The following CSMD3 variants were observed in gnomAD, a reference collection of about 807,000 sequenced individuals.
CSMD3 encodes the protein CUB and sushi domain-containing protein 3.
In CSMD3, 177 loss-of-function variants were observed where a neutral mutation model predicts 435.2. That is an observed-to-expected ratio of 0.41 (90% confidence interval 0.36 to 0.46). The LOEUF (loss-of-function observed/expected upper bound fraction) is 0.46, where lower values mean the gene tolerates loss of function less well. Ranked by LOEUF, CSMD3 falls within the 20% of genes least tolerant of loss-of-function variation. CSMD3 has a pLI of 0.34. For synonymous variants in CSMD3, 1,656 were observed against 1,520.5 expected (o/e 1.09, Z -2.07); for missense variants, 4,265 against 4,504.6 (o/e 0.95, Z 1.52).
In CSMD3 at chr8:112,405,212, C is replaced by CAAAAAAA. The variant is rs1563904189; in HGVS notation, c.5809+1311_5809+1312insTTTTTTT. 6.0e-5 allele frequency among the ~76,000 whole-genome samples: 2 copies of CAAAAAAA among 33,086 alleles called. 1 individual carries two copies. The highest frequency in any genetic ancestry group is 1.0e-4 in the Non-Finnish European group (2 of 19,792). The allele number at this position is 33,086 out of a possible 152,430, so 21.7% of individuals were successfully genotyped here. Reference sequence around the variant, plus strand: ...AAAAAAAAAAAAAAAAAAAAAAACCCCCATATATATATATATATATATATA... The same window carrying CAAAAAAA: ...AAAAAAAAAAAAAAAAAAAAAAACCCAAAAAAACCATATATATATATATATATATATA... On this transcript the variant is annotated intron_variant, in intron 35 of 70. Coordinates refer to ENST00000297405, the MANE Select transcript of CSMD3 (RefSeq NM_198123.2).
chr8:112,916,374 TATC>T, intron 10 of CSMD3, among the ~76,000 whole-genome samples: 1 of 151,970 alleles, frequency 6.6e-6, no homozygotes, highest in East Asian at 1.9e-4. Context: ...ATGTAAGTGA[TATC>T]ATTAAAACCT....
chr8:112,312,844 C>G (rs1822115671), intron 49 of CSMD3, among the ~76,000 whole-genome samples: 1 of 151,950 alleles, frequency 6.6e-6, no homozygotes, highest in African/African-American at 2.4e-5. Context: ...AACTGAAATT[C>G]AAAATGTATC....
chr8:113,366,227 G>A (rs1036810384), intron 1 of CSMD3, among the ~76,000 whole-genome samples: 1 of 151,856 alleles, frequency 6.6e-6, no homozygotes, highest in Non-Finnish European at 1.5e-5. Flanking sequence ...GAATCTCTTT[G>A]TGCAGATTTC....
At chr8:113,171,694 G>C (rs1395821600) in intron 4 of CSMD3, among the ~76,000 whole-genome samples, 1 of 152,146 alleles carries the variant, frequency 6.6e-6, no homozygotes, top group African/African-American at 2.4e-5. Context: ...TTTGGAACCT[G>C]AGAGAATATT....
intron 13 of CSMD3, among the ~76,000 whole-genome samples, chr8:112,717,053 G>A (rs994630018): frequency 3.9e-5 from 6 of 152,084 alleles, no homozygotes; most frequent in Admixed American, 3.9e-4. Context: ...TGCAACAGAA[G>A]CTAAAATTGA....
intron 32 of CSMD3, among the ~76,000 whole-genome samples, chr8:112,440,416 G>T (rs1178699667): frequency 6.6e-6 from 1 of 152,102 alleles, no homozygotes; most frequent in Non-Finnish European, 1.5e-5. Context: ...ACTTGGTGTT[G>T]AGTGTCCATG....
chr8:113,112,961 GGGCC>G (rs1198649702), intron 4 of CSMD3, among the ~76,000 whole-genome samples: 2 of 152,094 alleles, frequency 1.3e-5, no homozygotes, highest in Non-Finnish European at 2.9e-5. Flanking sequence ...CATAACATGG[GGGCC>G]TTCCCTTAAA....
intron 16 of CSMD3, among the ~76,000 whole-genome samples, chr8:112,676,950 G>A (rs2075782600): frequency 6.6e-6 from 1 of 152,088 alleles, no homozygotes; most frequent in South Asian, 2.1e-4. Context: ...GAGAGTAGCT[G>A]AGAATATATG....
At chr8:112,996,597 A>C (rs2085661677) in intron 6 of CSMD3, among the ~76,000 whole-genome samples, 1 of 151,608 alleles carries the variant, frequency 6.6e-6, no homozygotes, top group Non-Finnish European at 1.5e-5. Flanking sequence ...AGTTTCTTTG[A>C]TATGGCTATC....
At chr8:112,332,763 T>A (rs1198629965) in intron 45 of CSMD3, among the ~76,000 whole-genome samples, 1 of 152,162 alleles carries the variant, frequency 6.6e-6, no homozygotes, top group Non-Finnish European at 1.5e-5. Flanking sequence ...AATGTCCTAT[T>A]TGAAAAATCT....
At chr8:113,152,945 T>G (rs543176528) in intron 4 of CSMD3, among the ~76,000 whole-genome samples, 2 of 146,674 alleles carry the variant, frequency 1.4e-5, no homozygotes, top group South Asian at 4.3e-4. Flanking sequence ...CACTCCAGCC[T>G]GGACGACAGA....
rs189529503 is a variant in CSMD3, at chr8:112,534,219, A to G, written c.4564+16452T>C. Reference sequence around the variant, plus strand: ...AGAGACACAAAAAAGTCTTCAAAAAATTAATGAATCCAGGAGCTGGTTTTT... The same window carrying G: ...AGAGACACAAAAAAGTCTTCAAAAAGTTAATGAATCCAGGAGCTGGTTTTT... On this transcript the variant is annotated intron_variant, in intron 27 of 70. Coordinates refer to ENST00000297405, the MANE Select transcript of CSMD3 (RefSeq NM_198123.2). Among the ~76,000 whole-genome samples, 677 of 152,278 alleles carry G rather than the reference A, an allele frequency of 4.4e-3. 1 individual carries two copies. Among genetic ancestry groups the G allele is most frequent in the Non-Finnish European group, 6.2e-3 (423 of 68,010 alleles).
chr8:113,370,242 C>T (rs548005654), intron 1 of CSMD3, among the ~76,000 whole-genome samples: 9 of 151,206 alleles, frequency 6.0e-5, no homozygotes, highest in Admixed American at 2.0e-4. Flanking sequence ...GGATTGCTCA[C>T]AAAAGGAAAA....
intron 22 of CSMD3, among the ~76,000 whole-genome samples, chr8:112,615,453 T>G (rs1408176951): frequency 1.3e-5 from 2 of 152,130 alleles, no homozygotes; most frequent in African/African-American, 4.8e-5. Flanking sequence ...GAGAGTTTTT[T>G]TTATCTTTCC....
chr8:112,874,835 G>C (rs1183319734), intron 10 of CSMD3, among the ~76,000 whole-genome samples: 1 of 152,060 alleles, frequency 6.6e-6, no homozygotes, highest in East Asian at 1.9e-4. Flanking sequence ...TGAGTCTCCT[G>C]AATACAGCAC....
intron 10 of CSMD3, among the ~76,000 whole-genome samples, chr8:112,869,264 G>C (rs2081066656): frequency 6.6e-6 from 1 of 152,170 alleles, no homozygotes; most frequent in Non-Finnish European, 1.5e-5. Context: ...GGTTGAATGA[G>C]AGGATTAGAC....
intron 65 of CSMD3, among the ~76,000 whole-genome samples, chr8:112,243,004 T>C (rs1483658989): frequency 6.6e-6 from 1 of 151,988 alleles, no homozygotes; most frequent in Non-Finnish European, 1.5e-5. Context: ...TACTTAGAAT[T>C]AGGAGGGAGT....
chr8:112,894,850 G>GA lies in CSMD3; in HGVS notation c.1633+26776dup, dbSNP rs901039633. Among the ~76,000 whole-genome samples the GA allele has an allele frequency of 1.9e-3, 276 of 146,018 alleles. 1 individual carries two copies. The highest frequency in any genetic ancestry group is 6.0e-3 in the African/African-American group (239 of 39,862). Reference sequence around the variant, plus strand: ...AAAATTAAAAGACATAAAGAGAATTGAAAAAAAAACACACACACAAGATAT... The same window carrying GA: ...AAAATTAAAAGACATAAAGAGAATTGAAAAAAAAAACACACACACAAGATAT... On this transcript the variant is annotated intron_variant, in intron 10 of 70. Transcript: ENST00000297405.
intron 8 of CSMD3, among the ~76,000 whole-genome samples, chr8:112,948,443 A>G (rs2083690591): frequency 6.6e-6 from 1 of 152,006 alleles, no homozygotes; most frequent in African/African-American, 2.4e-5. Context: ...AAACCAAAAC[A>G]ATGGCTTTAC....
Sources: gnomAD v4.1 joint callset for allele counts (sites outside exome capture counted in the v4.1 genomes callset) on GRCh38, gnomAD v4.1.1 for gene constraint, MANE v1.5 for transcripts, NCBI Gene and HGNC (gene_info 2026-07-23, HGNC 2026-07-21) for gene names.